The following BCAS2 variants were observed in gnomAD, a reference collection of about 807,000 sequenced individuals.
BCAS2 encodes pre-mRNA-splicing factor SPF27.
A neutral mutation model predicts 35.3 loss-of-function variants in BCAS2; 34 were observed. That is an observed-to-expected ratio of 0.96 (90% CI 0.73 to 1.28). BCAS2 has a LOEUF of 1.28. Ranked by LOEUF, BCAS2 falls within the 50% of genes most tolerant of loss-of-function variation. The probability of loss-of-function intolerance (pLI) is 0.00; values close to 1 mark genes in which losing one functional copy is unlikely to be tolerated. For synonymous variants in BCAS2, 75 were observed against 91.6 expected (o/e 0.82, Z 1.03); for missense variants, 221 against 268.1 (o/e 0.82, Z 1.23).
intron 2 of BCAS2, among the ~76,000 whole-genome samples, chr1:114,577,386 T>G (rs908211795): frequency 2.6e-5 from 4 of 152,156 alleles, no homozygotes; most frequent in African/African-American, 4.8e-5. Flanking sequence ...TATTTTTTTT[T>G]TGTGAGACGA....
chr1:114,573,022 T>C (rs1445301095), intron 4 of BCAS2, among the ~76,000 whole-genome samples: 3 of 149,124 alleles, frequency 2.0e-5, no homozygotes, highest in East Asian at 2.0e-4. Context: ...GGCAGAAGAG[T>C]TGCTTGAACC....
chr1:114,581,457 C>A (rs763461294), intron 1 of BCAS2, 42 bp downstream of exon 1: 1 of 1,613,880 alleles, frequency 6.2e-7, no homozygotes, highest in Middle Eastern at 1.6e-4. Context: ...CAGTACCGAG[C>A]CAGCTAGCAG....
chr1:114,579,861 G>T (rs374162687), intron 2 of BCAS2, among the ~76,000 whole-genome samples: 1 of 152,000 alleles, frequency 6.6e-6, no homozygotes, highest in Non-Finnish European at 1.5e-5. Flanking sequence ...ATGAGACTCC[G>T]TCTCAAACAA....
At chr1:114,572,011 A>G (rs1390260479) in intron 4 of BCAS2, among the ~76,000 whole-genome samples, 3 of 152,238 alleles carry the variant, frequency 2.0e-5, no homozygotes, top group Non-Finnish European at 4.4e-5. Context: ...AAGTTTAAAT[A>G]ACAACTTTAT....
chr1:114,580,462 T>TCATGGACA (rs1469369997), intron 2 of BCAS2, among the ~76,000 whole-genome samples: 1 of 152,206 alleles, frequency 6.6e-6, no homozygotes, highest in Non-Finnish European at 1.5e-5. Flanking sequence ...CCTTAGGCAA[T>TCATGGACA]CATGGACACT....
intron 2 of BCAS2, among the ~76,000 whole-genome samples, chr1:114,578,501 C>G (rs905652521): frequency 6.6e-6 from 1 of 152,174 alleles, no homozygotes; most frequent in Admixed American, 6.6e-5. Context: ...AGTGATAAAT[C>G]TGGAATTTTA....
intron 3 of BCAS2, among the ~76,000 whole-genome samples, chr1:114,576,071 G>A (rs1224251163): frequency 6.6e-6 from 1 of 151,892 alleles, no homozygotes; most frequent in Non-Finnish European, 1.5e-5. Flanking sequence ...AGGGGAAAAA[G>A]CAGTAGACAA....
chr1:114,572,689 T>C (rs1045443547), intron 4 of BCAS2, among the ~76,000 whole-genome samples: 2 of 152,096 alleles, frequency 1.3e-5, no homozygotes, highest in Non-Finnish European at 2.9e-5. Context: ...TGAATTTGGG[T>C]ATAACAGGTA....
chr1:114,570,024 T>A lies in BCAS2; in HGVS notation c.519A>T (p.Thr173=), dbSNP rs767448069. ...LNWQRKNMQL[T]AGSKLREMES... ...CCATTTCTCTCAATTTAGATCCAGC[T>A]GTGAGTTGCATGTTCTTTCTCTGCC... Residue 173 remains threonine (T), a synonymous_variant, in exon 6 of 7, where the codon ACA becomes ACT. Coordinates refer to ENST00000369541, the MANE Select transcript of BCAS2 (RefSeq NM_005872.3). 6.2e-7 allele frequency: 1 copy of A among 1,611,922 alleles called. No individual in the cohort carries two copies. The highest frequency in any genetic ancestry group is 8.5e-7 in the Non-Finnish European group (1 of 1,178,226).
chr1:114,574,096 A>G (rs1452206554), intron 4 of BCAS2, among the ~76,000 whole-genome samples: 5 of 152,230 alleles, frequency 3.3e-5, no homozygotes, highest in African/African-American at 1.2e-4. Flanking sequence ...TGAATTCTAG[A>G]TAGACAATAA....
intron 4 of BCAS2, among the ~76,000 whole-genome samples, chr1:114,573,946 T>C (rs1466029410): frequency 6.6e-6 from 1 of 152,212 alleles, no homozygotes; most frequent in Non-Finnish European, 1.5e-5. Flanking sequence ...TCAGGAAACA[T>C]ACTCTAACGA....
rs556491381 is a variant in BCAS2 at position 114,578,909 on chromosome 1, ATAGT to A, written c.187-2155_187-2152del. Among the ~76,000 whole-genome samples, 88 of 152,354 alleles carry A rather than the reference ATAGT, an allele frequency of 5.8e-4. 1 individual carries two copies. In the South Asian group the frequency reaches 0.018, roughly 31 times the overall value. On this transcript the variant is annotated intron_variant, in intron 2 of 6. Coordinates refer to ENST00000369541, the MANE Select transcript of BCAS2 (RefSeq NM_005872.3). ...CAGCTAAAAAATGGGGATAGCAAAC[ATAGT>A]TATATAGTTTATAGAGCTGTTATGT...
intron 2 of BCAS2, among the ~76,000 whole-genome samples, chr1:114,580,029 G>A (rs1340802763): frequency 6.6e-6 from 1 of 151,652 alleles, no homozygotes; most frequent in African/African-American, 2.4e-5. Context: ...GAACTCCCAG[G>A]CTCAAGTGAT....
intron 3 of BCAS2, among the ~76,000 whole-genome samples, chr1:114,575,975 A>G (rs1412445154): frequency 6.6e-6 from 1 of 152,188 alleles, no homozygotes; most frequent in African/African-American, 2.4e-5. Context: ...AATAAGCAAC[A>G]TTACATTCAC....
intron 6 of BCAS2, 98 bp from the exon 7 acceptor site, chr1:114,568,354 A>C: frequency 7.7e-7 from 1 of 1,297,090 alleles, no homozygotes; most frequent in Non-Finnish European, 1.0e-6. Context: ...CCAGAGCTAT[A>C]ACACTAACCT....
chr1:114,574,535 T>C (rs1486778112), intron 4 of BCAS2, among the ~76,000 whole-genome samples: 1 of 152,266 alleles, frequency 6.6e-6, no homozygotes, highest in African/African-American at 2.4e-5. Flanking sequence ...AATATGTATA[T>C]ATTTCCCCTA....
chr1:114,573,394 AT>A (rs1217593658), intron 4 of BCAS2, among the ~76,000 whole-genome samples: 1 of 150,482 alleles, frequency 6.6e-6, no homozygotes, highest in Non-Finnish European at 1.5e-5. Context: ...ATACCTGGCT[AT>A]TTTTTTTATT....
At chr1:114,579,999 T>A (rs1286613905) in intron 2 of BCAS2, among the ~76,000 whole-genome samples, 1 of 151,942 alleles carries the variant, frequency 6.6e-6, no homozygotes. Context: ...GGCATTATCA[T>A]GGCTCACTGT....
In BCAS2 at chr1:114,576,772, C is replaced by T. The variant is rs752903973; in HGVS notation, c.187-14G>A. The T allele has an allele frequency of 2.5e-6, 4 of 1,591,344 alleles. No homozygotes were observed. The highest frequency in any genetic ancestry group is 3.4e-6 in the Non-Finnish European group (4 of 1,165,986). The stretch of plus-strand genomic sequence containing the variant: ...CATTATGTCAGTCTGATGTGTAAAT[C>T]AGAAAAAAGATTTCTAAGATCATGT... On this transcript the variant is annotated splice_polypyrimidine_tract_variant and intron_variant, in intron 2 of 6. Transcript: ENST00000369541.
Sources: allele counts gnomAD v4.1 joint callset (sites outside exome capture counted in the v4.1 genomes callset), GRCh38; gene constraint gnomAD v4.1.1; transcripts MANE v1.5; gene names NCBI Gene and HGNC (gene_info 2026-07-23, HGNC 2026-07-21).